Variants in MMP26 observed in about 807,000 individuals in gnomAD.
The protein encoded by MMP26 is matrix metallopeptidase 26, also known as matrix metalloproteinase-26.
MMP26 carries 33 observed loss-of-function variants against 31.0 expected under a neutral mutation model. That is an observed-to-expected ratio of 1.06 (90% CI 0.81 to 1.42). The LOEUF (loss-of-function observed/expected upper bound fraction) is 1.42, where lower values mean the gene tolerates loss of function less well. Among genes scored for constraint, MMP26 ranks in the 40% most tolerant of loss-of-function variants. MMP26 has a pLI of 0.00. For missense variants in MMP26, 347 were observed against 316.1 expected, an observed-to-expected ratio of 1.10 and a Z score of -0.74; for synonymous variants, 122 against 114.9, an observed-to-expected ratio of 1.06 and a Z score of -0.40.
intron 2 of MMP26, among the ~76,000 whole-genome samples, chr11:4,861,745 A>G (rs922671027): frequency 3.3e-5 from 5 of 152,202 alleles, no homozygotes; most frequent in Non-Finnish European, 5.9e-5. Context: ...AGGCTCCCTA[A>G]CTGATCTTTC....
intron 2 of MMP26, among the ~76,000 whole-genome samples, chr11:4,912,187 A>G (rs1851001435): frequency 6.6e-6 from 1 of 152,228 alleles, no homozygotes; most frequent in Non-Finnish European, 1.5e-5. Context: ...TACATATATG[A>G]TATGTCTAAA....
At chr11:4,921,858 T>G (rs138452653) in intron 2 of MMP26, among the ~76,000 whole-genome samples, 1 of 152,190 alleles carries the variant, frequency 6.6e-6, no homozygotes, top group Non-Finnish European at 1.5e-5. Context: ...TTTTAAAAAA[T>G]TTGTATAATT....
chr11:4,831,492 C>T (rs888610765), intron 2 of MMP26, among the ~76,000 whole-genome samples: 6 of 152,154 alleles, frequency 3.9e-5, no homozygotes, highest in Non-Finnish European at 8.8e-5. Flanking sequence ...CATATCATCC[C>T]TACCACATCT....
chr11:4,824,534 T>C (rs1451047152), intron 2 of MMP26, among the ~76,000 whole-genome samples: 1 of 152,130 alleles, frequency 6.6e-6, no homozygotes, highest in East Asian at 1.9e-4. Context: ...TGCTGACCTT[T>C]GAAATGAACC....
At chr11:4,979,936 A>G (rs1274521823) in intron 2 of MMP26, among the ~76,000 whole-genome samples, 3 of 152,124 alleles carry the variant, frequency 2.0e-5, no homozygotes. Context: ...CCCCGGTGTT[A>G]TGTTAATTCT....
At chr11:4,788,253 T>A (rs1848975295) in intron 2 of MMP26, among the ~76,000 whole-genome samples, 1 of 151,990 alleles carries the variant, frequency 6.6e-6, no homozygotes, top group Admixed American at 6.6e-5. Context: ...CTTCTGGGTA[T>A]AACAGACTCT....
At chr11:4,969,946 C>G (rs920625522) in intron 2 of MMP26, among the ~76,000 whole-genome samples, 1 of 152,106 alleles carries the variant, frequency 6.6e-6, no homozygotes, top group Admixed American at 6.5e-5. Flanking sequence ...CAGGCACTCA[C>G]TAATCTGCAT....
intron 2 of MMP26, among the ~76,000 whole-genome samples, chr11:4,964,821 A>T (rs1221301660): frequency 1.3e-5 from 2 of 152,188 alleles, no homozygotes; most frequent in African/African-American, 2.4e-5. Flanking sequence ...ACAGGAACAG[A>T]AAACCAAATA....
chr11:4,793,658 T>C (rs1214161461), intron 2 of MMP26: 5 of 152,226 alleles, frequency 3.3e-5, no homozygotes, highest in Non-Finnish European at 2.9e-5. Flanking sequence ...GATTATTTCA[T>C]GAAATTTTCC....
At chr11:4,915,746 G>T in intron 2 of MMP26, 1 of 822,776 alleles carries the variant, frequency 1.2e-6, no homozygotes, top group Non-Finnish European at 1.9e-6. Context: ...GCACCTGGTG[G>T]AAATTAAAGA....
chr11:4,840,475 A>G (rs1564791681), intron 2 of MMP26, among the ~76,000 whole-genome samples: 3 of 152,232 alleles, frequency 2.0e-5, no homozygotes, highest in African/African-American at 7.2e-5. Flanking sequence ...GTGGCTCAGA[A>G]CACAGACAGA....
chr11:4,845,537 A>C (rs1010655595), intron 2 of MMP26, among the ~76,000 whole-genome samples: 7 of 152,194 alleles, frequency 4.6e-5, no homozygotes, highest in African/African-American at 1.7e-4. Flanking sequence ...GATCTGGGTA[A>C]AAATTTCTTG....
At chr11:4,776,943 G>A (rs527683225) in intron 2 of MMP26, among the ~76,000 whole-genome samples, 34 of 152,146 alleles carry the variant, frequency 2.2e-4, no homozygotes, top group Admixed American at 3.9e-4. Context: ...GTGATGTTGA[G>A]GAGTTAAACT....
At chr11:4,749,075 G>A (rs1479721431) in intron 1 of MMP26, among the ~76,000 whole-genome samples, 2 of 152,022 alleles carry the variant, frequency 1.3e-5, no homozygotes, top group African/African-American at 4.8e-5. Context: ...TCCTAGATTT[G>A]ATAAATACAT....
intron 1 of MMP26, among the ~76,000 whole-genome samples, chr11:4,757,134 A>G (rs1589891807): frequency 1.3e-5 from 2 of 152,312 alleles, no homozygotes; most frequent in Admixed American, 1.3e-4. Context: ...ACAGTCATAC[A>G]GATTAATAGG....
chr11:4,742,890 A>G (rs1170417844), intron 1 of MMP26, among the ~76,000 whole-genome samples: 5 of 152,188 alleles, frequency 3.3e-5, no homozygotes, highest in East Asian at 1.9e-4. Context: ...TAAAATTCAT[A>G]TACTTATAAG....
At chr11:4,802,689 G>A (rs1229506844) in intron 2 of MMP26, among the ~76,000 whole-genome samples, 1 of 152,104 alleles carries the variant, frequency 6.6e-6, no homozygotes, top group East Asian at 1.9e-4. Context: ...AATGCCATAA[G>A]CATCACTACT....
At chr11:4,761,241 C>G (rs1322239078) in intron 1 of MMP26, among the ~76,000 whole-genome samples, 1 of 152,174 alleles carries the variant, frequency 6.6e-6, no homozygotes, top group East Asian at 1.9e-4. Context: ...TTTATCTATG[C>G]TAAATCACTC....
chr11:4,851,761 A>G (rs1849978757), intron 2 of MMP26, among the ~76,000 whole-genome samples: 1 of 152,118 alleles, frequency 6.6e-6, no homozygotes, highest in African/African-American at 2.4e-5. Flanking sequence ...AGTAAATTAT[A>G]TAGTAATGTG....
Sources: allele counts gnomAD v4.1 joint callset (sites outside exome capture counted in the v4.1 genomes callset), GRCh38; gene constraint gnomAD v4.1.1; transcripts MANE v1.5; gene names NCBI Gene and HGNC (gene_info 2026-07-23, HGNC 2026-07-21).